The following ADGRB3 variants were observed in gnomAD, a reference collection of about 807,000 sequenced individuals.
The protein encoded by ADGRB3 is brain-specific angiogenesis inhibitor 3.
A neutral mutation model predicts 193.4 loss-of-function variants in ADGRB3; 37 were observed. The ratio of observed to expected loss-of-function variants is 0.19; its 90% confidence interval spans 0.15 to 0.25. The LOEUF (loss-of-function observed/expected upper bound fraction) is 0.25. ADGRB3 is among the 10% of genes least tolerant of loss of function. The pLI is 1.00. For synonymous variants in ADGRB3, 690 were observed against 644.2 expected (o/e 1.07, Z -1.08); for missense variants, 1,637 against 1,852.9 (o/e 0.88, Z 2.14).
At chr6:69,186,030 G>A (rs1240008724) in intron 17 of ADGRB3, among the ~76,000 whole-genome samples, 1 of 151,992 alleles carries the variant, frequency 6.6e-6, no homozygotes, top group Non-Finnish European at 1.5e-5. Flanking sequence ...GTGCATTTGT[G>A]GGAGCAGTGC....
At chr6:69,126,200 G>A (rs1207893291) in intron 17 of ADGRB3, among the ~76,000 whole-genome samples, 1 of 137,330 alleles carries the variant, frequency 7.3e-6, no homozygotes, top group Non-Finnish European at 1.6e-5. Context: ...AGAACCAATA[G>A]GAAATGATTG....
At chr6:69,225,844 C>G (rs1766001138) in intron 17 of ADGRB3, among the ~76,000 whole-genome samples, 1 of 152,112 alleles carries the variant, frequency 6.6e-6, no homozygotes, top group South Asian at 2.1e-4. Context: ...ACTGACTGGA[C>G]CCTGAATAAA....
chr6:68,727,480 G>T (rs1765694513), intron 3 of ADGRB3, among the ~76,000 whole-genome samples: 1 of 151,532 alleles, frequency 6.6e-6, no homozygotes, highest in Non-Finnish European at 1.5e-5. Context: ...TTGTTTCTAA[G>T]CATCCTTTCC....
intron 17 of ADGRB3, among the ~76,000 whole-genome samples, chr6:69,129,032 T>G (rs1315868041): frequency 6.6e-6 from 1 of 152,288 alleles, no homozygotes; most frequent in East Asian, 1.9e-4. Context: ...GGTAAGTGAT[T>G]TACTTTTCTG....
intron 20 of ADGRB3, among the ~76,000 whole-genome samples, chr6:69,315,083 C>T (rs1001315883): frequency 6.6e-6 from 1 of 151,426 alleles, no homozygotes; most frequent in Non-Finnish European, 1.5e-5. Context: ...TTTATTATAA[C>T]ATCTATTTAT....
chr6:69,059,379 T>A (rs931404961), intron 15 of ADGRB3, among the ~76,000 whole-genome samples: 1 of 152,160 alleles, frequency 6.6e-6, no homozygotes, highest in Admixed American at 6.6e-5. Context: ...TGTAGACAAC[T>A]GAATTGTATT....
At chr6:69,043,998 G>A (rs2150300133) in intron 13 of ADGRB3, among the ~76,000 whole-genome samples, 1 of 152,230 alleles carries the variant, frequency 6.6e-6, no homozygotes, top group Non-Finnish European at 1.5e-5. Context: ...GTGAGATGGC[G>A]CCAGTGCATT....
chr6:69,282,177 G>A (rs2127286647), intron 20 of ADGRB3, among the ~76,000 whole-genome samples: 1 of 152,172 alleles, frequency 6.6e-6, no homozygotes, highest in Non-Finnish European at 1.5e-5. Context: ...GAATCATTTG[G>A]CAAATAAAAT....
In ADGRB3 at chr6:68,958,685, A is replaced by C. The variant is rs559631470; in HGVS notation, c.1525+1876A>C. ...AAAAATATCACATAAAACTAAAAAA[A>C]AAATTATATACACTACACATTTTTG... On this transcript the variant is annotated intron_variant, in intron 8 of 31. Transcript: ENST00000370598. Among the ~76,000 whole-genome samples the C allele has an allele frequency of 2.0e-5, 3 of 152,304 alleles. No individual in the cohort carries two copies. The South Asian group carries it at 6.2e-4, about 32-fold the overall frequency.
intron 17 of ADGRB3, among the ~76,000 whole-genome samples, chr6:69,112,859 G>A (rs1207188362): frequency 6.6e-6 from 1 of 151,984 alleles, no homozygotes; most frequent in Non-Finnish European, 1.5e-5. Flanking sequence ...CAAGGTTAAA[G>A]CGATTCTCCT....
intron 5 of ADGRB3, among the ~76,000 whole-genome samples, chr6:68,939,991 C>A (rs1279218524): frequency 6.6e-6 from 1 of 152,086 alleles, no homozygotes; most frequent in Non-Finnish European, 1.5e-5. Flanking sequence ...ACTATAAAAT[C>A]TAATCAATAG....
intron 20 of ADGRB3, among the ~76,000 whole-genome samples, chr6:69,316,912 G>A (rs182380123): frequency 6.6e-5 from 10 of 151,596 alleles, no homozygotes; most frequent in Non-Finnish European, 8.9e-5. Context: ...AAACAGATTC[G>A]TAGGCTAAGA....
rs1177547790 is a variant in ADGRB3, at chr6:69,019,822, A to G, written c.2107+1323A>G. On this transcript the variant is annotated intron_variant, in intron 13 of 31. Coordinates refer to ENST00000370598, the MANE Select transcript of ADGRB3 (RefSeq NM_001704.3). The stretch of plus-strand genomic sequence containing the variant: ...ACCTTCTTATGGACAATTAGAGTAA[A>G]AAGAGACAAAAGATGGTATCTTTGT... Among the ~76,000 whole-genome samples the G allele has an allele frequency of 2.6e-5, 4 of 152,002 alleles. No homozygotes were observed. In the East Asian group the frequency reaches 7.7e-4, roughly 29 times the overall value.
intron 3 of ADGRB3, among the ~76,000 whole-genome samples, chr6:68,907,092 G>A (rs1766569237): frequency 6.6e-6 from 1 of 151,878 alleles, no homozygotes. Flanking sequence ...AGCAGCATCT[G>A]ACTCACTCAG....
chr6:68,826,564 G>A (rs377603183), intron 3 of ADGRB3, among the ~76,000 whole-genome samples: 104 of 152,284 alleles, frequency 6.8e-4, no homozygotes, highest in African/African-American at 2.4e-3. Flanking sequence ...CAGAATAGAA[G>A]TGATGTCATC....
chr6:69,139,065 C>G (rs1774234667), intron 17 of ADGRB3, among the ~76,000 whole-genome samples: 1 of 152,206 alleles, frequency 6.6e-6, no homozygotes, highest in Admixed American at 6.5e-5. Context: ...TGAGTGTCAG[C>G]TCATGAGTTG....
intron 17 of ADGRB3, among the ~76,000 whole-genome samples, chr6:69,203,859 T>C (rs534640210): frequency 1.1e-4 from 17 of 152,320 alleles, no homozygotes; most frequent in East Asian, 7.7e-4. Flanking sequence ...TAGTGATCCT[T>C]CTGCTCTTAT....
chr6:68,916,086 A>G (rs933286804), intron 3 of ADGRB3, among the ~76,000 whole-genome samples: 5 of 152,128 alleles, frequency 3.3e-5, no homozygotes, highest in African/African-American at 1.2e-4. Context: ...AAACCACCTT[A>G]AATAAACTGT....
chr6:69,269,806 T>C (rs1368744514), intron 20 of ADGRB3, among the ~76,000 whole-genome samples: 1 of 152,208 alleles, frequency 6.6e-6, no homozygotes, highest in Non-Finnish European at 1.5e-5. Flanking sequence ...GGATTTCCTG[T>C]ATCATAATTT....
Sources: allele counts gnomAD v4.1 joint callset (sites outside exome capture counted in the v4.1 genomes callset), GRCh38; gene constraint gnomAD v4.1.1; transcripts MANE v1.5; gene names NCBI Gene and HGNC (gene_info 2026-07-23, HGNC 2026-07-21).